Variants in PLCG2 observed in about 807,000 individuals in gnomAD.
The protein encoded by PLCG2 is phospholipase C gamma 2, also known as 1-phosphatidylinositol 4,5-bisphosphate phosphodiesterase gamma-2.
Under a neutral mutation model 175.6 loss-of-function variants are expected in PLCG2, and 69 were observed. That is an observed-to-expected ratio of 0.39 (90% confidence interval 0.32 to 0.48). The LOEUF is 0.48. Ranked by LOEUF, PLCG2 falls within the 20% of genes least tolerant of loss-of-function variation. The pLI is 0.91. For missense variants in PLCG2, 1,798 were observed against 1,650.9 expected, an observed-to-expected ratio of 1.09 and a Z score of -1.54; for synonymous variants, 827 against 624.0, an observed-to-expected ratio of 1.33 and a Z score of -4.85.
At position 81,889,203 on chromosome 16, in the gene PLCG2, G is replaced by A. The variant is rs552448947; in HGVS notation, c.797G>A (p.Arg266His). 29 of 1,604,704 alleles carry A rather than the reference G, an allele frequency of 1.8e-5. No individual in the cohort carries two copies. Among genetic ancestry groups the A allele is most frequent in the East Asian group, 1.3e-4 (6 of 44,748 alleles). The change falls in exon 10 of 33, where the codon CGT (arginine) becomes CAT (histidine). Residue 266 changes from arginine to histidine, a missense_variant. Physicochemically the swap from Arg to His is conservative, Grantham distance 29. Coordinates refer to ENST00000564138, the MANE Select transcript of PLCG2 (RefSeq NM_002661.5). Reference protein sequence around the residue: ...EHWAQDLNKVRERMTKFIDDT... With the variant: ...EHWAQDLNKVHERMTKFIDDT... ...TGGGCTCAGGATCTGAACAAAGTCC[G>A]TGAGCGGATGACAAAGTTCATTGAT...
intron 1 of PLCG2, among the ~76,000 whole-genome samples, chr16:81,781,772 A>G (rs1910742311): frequency 6.6e-6 from 1 of 152,088 alleles, no homozygotes; most frequent in African/African-American, 2.4e-5. Context: ...TTTGGATGAA[A>G]TCCTGTACTG....
At chr16:81,917,657 G>C (rs1011890938) in intron 19 of PLCG2, among the ~76,000 whole-genome samples, 1 of 152,152 alleles carries the variant, frequency 6.6e-6, no homozygotes, top group African/African-American at 2.4e-5. Flanking sequence ...CATTTTTTAC[G>C]TAACTGTTGG....
At chr16:81,772,821 T>C (rs775512475) in intron 2 of PLCG2, among the ~76,000 whole-genome samples, 2 of 151,642 alleles carry the variant, frequency 1.3e-5, no homozygotes, top group Non-Finnish European at 2.9e-5. Context: ...AAAAAAAGAA[T>C]GACTGAAAAG....
chr16:81,780,828 A>G lies in PLCG2; in HGVS notation c.-48+1404A>G, dbSNP rs1051227968. Among the ~76,000 whole-genome samples the G allele has an allele frequency of 4.6e-5, 7 of 152,278 alleles. No individual in the cohort carries two copies. The South Asian group carries it at 1.5e-3, about 32-fold the overall frequency. The stretch of plus-strand genomic sequence containing the variant: ...GATCACTTGAGGTCAAGCGTTCCAG[A>G]CCAGCCTCACCAACATGGTGAAACC... On this transcript the variant is annotated intron_variant, in intron 1 of 32. Transcript: ENST00000564138.
In PLCG2 at chr16:81,919,527, C is replaced by T. The variant is rs778773333; in HGVS notation, c.2098C>T (p.Arg700Trp). 6.2e-6 allele frequency: 10 copies of T among 1,614,100 alleles called. No homozygotes were observed. Among genetic ancestry groups the T allele is most frequent in the East Asian group, 2.2e-5 (1 of 44,876 alleles). ...VKHCRINRDGRHFVLGTSAYF... is the reference protein window; with the variant it reads ...VKHCRINRDGWHFVLGTSAYF... ...GCATTGTCGCATCAACCGGGACGGC[C>T]GGCACTTTGTGCTGGGGACCTCCGC... The change falls in exon 20 of 33, where the codon CGG becomes TGG. Residue 700 changes from arginine (R) to tryptophan (W), a missense_variant. Transcript: ENST00000564138.
chr16:81,814,517 A>AT (rs1904452290), intron 2 of PLCG2, among the ~76,000 whole-genome samples: 2 of 152,094 alleles, frequency 1.3e-5, no homozygotes, highest in Non-Finnish European at 2.9e-5. Flanking sequence ...AAATGGTGAA[A>AT]TCCCATCTCT....
At chr16:81,790,454 C>A (rs1026365361) in intron 2 of PLCG2, among the ~76,000 whole-genome samples, 1 of 152,204 alleles carries the variant, frequency 6.6e-6, no homozygotes, top group African/African-American at 2.4e-5. Flanking sequence ...AGAGAGCAGG[C>A]CTTCAGGCCC....
upstream of PLCG2, chr16:81,779,180 C>A: frequency 6.6e-6 from 1 of 152,226 alleles, no homozygotes; most frequent in South Asian, 2.0e-4. Context: ...GGGGTGCGCT[C>A]CGAGAGGCGG....
intron 3 of PLCG2, chr16:81,857,974 A>G (rs181392668): frequency 2.5e-6 from 1 of 405,454 alleles, no homozygotes; most frequent in Non-Finnish European, 4.5e-6. Context: ...TGTCATAGTG[A>G]TAGTTCCCAC....
chr16:81,831,968 C>T (rs182211616), intron 2 of PLCG2, among the ~76,000 whole-genome samples: 22 of 152,278 alleles, frequency 1.4e-4, no homozygotes, highest in African/African-American at 4.3e-4. Flanking sequence ...CTTGCCCTAG[C>T]GGAAGGGACT....
At position 81,919,417 on chromosome 16, in the gene PLCG2, G is replaced by A. The variant is rs182815047; in HGVS notation, c.2055-67G>A. On this transcript the variant is annotated intron_variant, in intron 19 of 32. Coordinates refer to ENST00000564138, the MANE Select transcript of PLCG2 (RefSeq NM_002661.5). ...TAACTAGGTTGTATCTAATCAGTAGGGTTTGTGTAAAAATTGTTTGGCCAC... is the reference window on the plus strand; with the variant it reads ...TAACTAGGTTGTATCTAATCAGTAGAGTTTGTGTAAAAATTGTTTGGCCAC... 12 of 1,266,172 alleles carry A rather than the reference G, an allele frequency of 9.5e-6. No homozygotes were observed. In the East Asian group the frequency reaches 2.8e-4, roughly 29 times the overall value. The allele number at this position is 1,266,172 out of a possible 1,614,324, so 78.4% of individuals were successfully genotyped here.
rs1405630690 is a variant in PLCG2 at position 81,959,546 on chromosome 16, G to A, written c.*1548G>A. ...ACCTCGCTTGAAGCCAGGAACACAG[G>A]GAACAGCAGTCTGGCCAAGGAAGGG... is the stretch of plus-strand genomic sequence containing the variant. On this transcript the variant is annotated 3_prime_UTR_variant, in exon 33 of 33. Coordinates refer to ENST00000564138, the MANE Select transcript of PLCG2 (RefSeq NM_002661.5). The A allele has an allele frequency of 4.8e-6, 1 of 206,482 alleles. No individual in the cohort carries two copies. The highest frequency in any genetic ancestry group is 5.9e-5 in the Admixed American group (1 of 16,846). 12.8% of individuals were successfully genotyped at this position (206,482 alleles called of 1,614,324 possible). A position where few individuals can be genotyped will look rare whatever the true frequency, so the allele number is the denominator to read the frequency against.
At chr16:81,864,871 G>A (rs1166826347) in intron 5 of PLCG2, among the ~76,000 whole-genome samples, 1 of 152,156 alleles carries the variant, frequency 6.6e-6, no homozygotes, top group Non-Finnish European at 1.5e-5. Flanking sequence ...AGTGCTGTCT[G>A]CCATGGGAGA....
At chr16:81,900,221 G>C (rs1396251219) in intron 13 of PLCG2, among the ~76,000 whole-genome samples, 1 of 152,212 alleles carries the variant, frequency 6.6e-6, no homozygotes, top group Non-Finnish European at 1.5e-5. Flanking sequence ...ACGTGGAACA[G>C]CGTCCCTGTT....
chr16:81,927,406 G>A (rs1480164210), intron 23 of PLCG2, among the ~76,000 whole-genome samples: 2 of 152,228 alleles, frequency 1.3e-5, no homozygotes, highest in African/African-American at 4.8e-5. Flanking sequence ...GTTGGGCTTG[G>A]AAGGATTTCA....
intron 1 of PLCG2, among the ~76,000 whole-genome samples, chr16:81,750,729 G>A (rs1268117921): frequency 2.3e-5 from 3 of 132,882 alleles, no homozygotes; most frequent in Admixed American, 8.6e-5. Context: ...GTGCAGTGGC[G>A]CGATCTCGGC....
chr16:81,912,827 C>A (rs543719854), intron 19 of PLCG2, 111 bp downstream of exon 19: 6 of 1,296,084 alleles, frequency 4.6e-6, no homozygotes, highest in South Asian at 3.2e-5. Context: ...CCCTGCCCCC[C>A]CAGCATCAGC....
At chr16:81,882,775 C>A (rs1031852788) in intron 8 of PLCG2, among the ~76,000 whole-genome samples, 1 of 152,058 alleles carries the variant, frequency 6.6e-6, no homozygotes, top group Admixed American at 6.5e-5. Flanking sequence ...TTCTGGCTCA[C>A]CCCACCTCGT....
intron 1 of PLCG2, among the ~76,000 whole-genome samples, chr16:81,740,906 C>CTTGCCTG (rs1909579611): frequency 6.6e-6 from 1 of 152,152 alleles, no homozygotes; most frequent in Admixed American, 6.5e-5. Flanking sequence ...CTGGATTCAC[C>CTTGCCTG]TTGCCTGCCA....
Sources: gnomAD v4.1 joint callset for allele counts (sites outside exome capture counted in the v4.1 genomes callset) on GRCh38, gnomAD v4.1.1 for gene constraint, MANE v1.5 for transcripts, NCBI Gene and HGNC (gene_info 2026-07-23, HGNC 2026-07-21) for gene names.